MALRD1: variants seen among roughly 807,000 people sequenced by gnomAD.
MALRD1 encodes the protein MAM and LDL-receptor class A domain-containing protein 1.
In MALRD1, 247 loss-of-function variants were observed where a neutral mutation model predicts 242.1. That is an observed-to-expected ratio of 1.02 (90% confidence interval 0.92 to 1.13). The LOEUF (loss-of-function observed/expected upper bound fraction) is 1.13, where lower values mean the gene tolerates loss of function less well. Ranked by LOEUF, MALRD1 falls within the 50% of genes most tolerant of loss-of-function variation. The pLI is 0.00. For missense variants in MALRD1, 2,989 were observed against 2,533.1 expected (o/e 1.18, Z -3.86); for synonymous variants, 995 against 866.6 (o/e 1.15, Z -2.60).
At chr10:19,181,240 T>G (rs944859341) in intron 14 of MALRD1, among the ~76,000 whole-genome samples, 1 of 152,164 alleles carries the variant, frequency 6.6e-6, no homozygotes, top group Non-Finnish European at 1.5e-5. Context: ...AATTACCACT[T>G]CATAAAGCTA....
intron 36 of MALRD1, among the ~76,000 whole-genome samples, chr10:19,648,758 T>C (rs905386890): frequency 2.6e-5 from 4 of 152,184 alleles, no homozygotes; most frequent in African/African-American, 4.8e-5. Flanking sequence ...TTTAAACTTA[T>C]AGTTTTGGGA....
At chr10:19,081,432 C>A (rs183154303) in intron 2 of MALRD1, among the ~76,000 whole-genome samples, 8 of 151,968 alleles carry the variant, frequency 5.3e-5, no homozygotes, top group Admixed American at 3.9e-4. Flanking sequence ...TTTTATGCAG[C>A]CATAAAAAGG....
At chr10:19,190,338 G>C (rs778582524) in intron 14 of MALRD1, among the ~76,000 whole-genome samples, 13 of 152,154 alleles carry the variant, frequency 8.5e-5, no homozygotes, top group Non-Finnish European at 1.6e-4. Flanking sequence ...CATGTTCATA[G>C]ATCAGAAGAC....
At chr10:19,566,251 C>T (rs577946924) in intron 32 of MALRD1, among the ~76,000 whole-genome samples, 69 of 151,904 alleles carry the variant, frequency 4.5e-4, no homozygotes, top group Non-Finnish European at 8.5e-4. Context: ...GCCTCAGCCT[C>T]CTGAGTAGTA....
chr10:19,567,864 A>G (rs1836326750), intron 33 of MALRD1, among the ~76,000 whole-genome samples, 161 bp downstream of exon 33: 1 of 152,232 alleles, frequency 6.6e-6, no homozygotes, highest in Admixed American at 6.5e-5. Context: ...TTCTCTGCCT[A>G]TGAACTTCGC....
chr10:19,392,936 G>A (rs891240062), intron 28 of MALRD1, among the ~76,000 whole-genome samples: 2 of 152,170 alleles, frequency 1.3e-5, no homozygotes, highest in Non-Finnish European at 2.9e-5. Flanking sequence ...GATTCAGCCT[G>A]TGGGAAGCAA....
At chr10:19,639,514 T>A (rs976481533) in intron 36 of MALRD1, among the ~76,000 whole-genome samples, 1 of 152,048 alleles carries the variant, frequency 6.6e-6, no homozygotes, top group Non-Finnish European at 1.5e-5. Context: ...AAAATCGGAG[T>A]TTCACTCTGC....
Position 19,144,866 on chromosome 10 carries a change from A to G in MALRD1, c.1412-1332A>G, listed in dbSNP as rs192227390. On this transcript the variant is annotated intron_variant, in intron 10 of 39. Transcript: ENST00000454679. ...GGTTAATATATGTAAAATGCCTGCT[A>G]CATACTTGGAACTCAGTGGTAGTTT... Among the ~76,000 whole-genome samples the G allele has an allele frequency of 9.2e-5, 14 of 152,288 alleles. No homozygotes were observed. The South Asian group carries it at 1.7e-3, about 18-fold the overall frequency.
intron 1 of MALRD1, among the ~76,000 whole-genome samples, chr10:19,051,131 C>A (rs773631549): frequency 6.6e-6 from 1 of 152,112 alleles, no homozygotes; most frequent in African/African-American, 2.4e-5. Context: ...AATTGAGAAT[C>A]ACTTTAAAGC....
intron 19 of MALRD1, among the ~76,000 whole-genome samples, chr10:19,258,369 C>G (rs1443952983): frequency 6.6e-6 from 1 of 152,006 alleles, no homozygotes; most frequent in Non-Finnish European, 1.5e-5. Flanking sequence ...ACAACCCAGG[C>G]CTTGAATAGT....
At chr10:19,090,481 A>G (rs1329653331) in intron 4 of MALRD1, among the ~76,000 whole-genome samples, 1 of 70,230 alleles carries the variant, frequency 1.4e-5, no homozygotes, top group East Asian at 4.6e-4. Flanking sequence ...GCTTAAGGAG[A>G]TTTTGGGTTG....
In MALRD1 at chr10:19,138,878, T is replaced by C. The variant is rs190671329; in HGVS notation, c.1411+2097T>C. Among the ~76,000 whole-genome samples, 61 of 152,352 alleles carry C rather than the reference T, an allele frequency of 4.0e-4. 1 individual carries two copies. In the East Asian group the frequency reaches 0.011, roughly 26 times the overall value. Reference sequence around the variant, plus strand: ...GATTATGTATATGACATTTTTCCAATTCAGTAGATCTTGATGCCATATTCT... The same window carrying C: ...GATTATGTATATGACATTTTTCCAACTCAGTAGATCTTGATGCCATATTCT... On this transcript the variant is annotated intron_variant, in intron 10 of 39. Coordinates refer to ENST00000454679, the MANE Select transcript of MALRD1 (RefSeq NM_001142308.3).
chr10:19,166,896 T>G (rs1588639999), intron 13 of MALRD1, among the ~76,000 whole-genome samples: 1 of 152,232 alleles, frequency 6.6e-6, no homozygotes, highest in East Asian at 1.9e-4. Flanking sequence ...AGTTTTAGTC[T>G]CTGCTCTGCT....
intron 13 of MALRD1, among the ~76,000 whole-genome samples, chr10:19,170,457 A>T (rs1834875024): frequency 6.6e-6 from 1 of 152,218 alleles, no homozygotes; most frequent in South Asian, 2.1e-4. Flanking sequence ...GTGAAATTTC[A>T]CACAATGATG....
At chr10:19,442,552 C>T (rs551923658) in intron 28 of MALRD1, among the ~76,000 whole-genome samples, 2 of 151,976 alleles carry the variant, frequency 1.3e-5, no homozygotes, top group Non-Finnish European at 2.9e-5. Context: ...TTGTCAAAGG[C>T]CTTTTTTGCA....
At chr10:19,478,299 G>A (rs563964385) in intron 29 of MALRD1, among the ~76,000 whole-genome samples, 1 of 152,284 alleles carries the variant, frequency 6.6e-6, no homozygotes, top group South Asian at 2.1e-4. Context: ...ATGCTCAGTT[G>A]AACCTGCTTC....
chr10:19,654,573 A>C (rs1328730996), intron 36 of MALRD1, among the ~76,000 whole-genome samples: 1 of 152,206 alleles, frequency 6.6e-6, no homozygotes, highest in Non-Finnish European at 1.5e-5. Flanking sequence ...TGCTGGTAGT[A>C]AATGACTGTC....
intron 36 of MALRD1, among the ~76,000 whole-genome samples, chr10:19,634,132 C>T (rs373835899): frequency 6.6e-6 from 1 of 152,026 alleles, no homozygotes; most frequent in African/African-American, 2.4e-5. Flanking sequence ...TGAGCCACCC[C>T]ACCCGGCTAC....
intron 36 of MALRD1, among the ~76,000 whole-genome samples, chr10:19,625,498 TC>T (rs1839614243): frequency 6.6e-6 from 1 of 152,040 alleles, no homozygotes; most frequent in African/African-American, 2.4e-5. Context: ...ACAGATCATA[TC>T]CTGTGTGCAG....
Sources: gnomAD v4.1 joint callset for allele counts (sites outside exome capture counted in the v4.1 genomes callset) on GRCh38, gnomAD v4.1.1 for gene constraint, MANE v1.5 for transcripts, NCBI Gene and HGNC (gene_info 2026-07-23, HGNC 2026-07-21) for gene names.